DENND2A: variants seen among roughly 807,000 people sequenced by gnomAD.
DENND2A encodes the protein DENN domain containing 2A.
Under a neutral mutation model 105.3 loss-of-function variants are expected in DENND2A, and 53 were observed. That is an observed-to-expected ratio of 0.50 (90% CI 0.40 to 0.63). The LOEUF is 0.63. DENND2A is among the 30% of genes least tolerant of loss of function. DENND2A has a pLI of 0.00. For missense variants in DENND2A, 1,138 were observed against 1,279.6 expected, an observed-to-expected ratio of 0.89 and a Z score of 1.69; for synonymous variants, 522 against 508.4, an observed-to-expected ratio of 1.03 and a Z score of -0.36.
At chr7:140,637,917 T>C (rs996374431) in intron 1 of DENND2A, among the ~76,000 whole-genome samples, 3 of 152,138 alleles carry the variant, frequency 2.0e-5, no homozygotes, top group Non-Finnish European at 2.9e-5. Flanking sequence ...TAAGGTACCA[T>C]TGTCTCCTTT....
At chr7:140,528,342 T>C (rs964237652) in intron 14 of DENND2A, among the ~76,000 whole-genome samples, 1 of 152,168 alleles carries the variant, frequency 6.6e-6, no homozygotes, top group Non-Finnish European at 1.5e-5. Context: ...CATGAACACC[T>C]AGGAAATCCG....
chr7:140,629,484 C>T (rs1405236065), intron 1 of DENND2A, among the ~76,000 whole-genome samples: 1 of 152,022 alleles, frequency 6.6e-6, no homozygotes, highest in Non-Finnish European at 1.5e-5. Context: ...CACCAGGACT[C>T]ACGTGGGAGC....
chr7:140,614,867 CAA>C (rs1350206732), intron 1 of DENND2A, among the ~76,000 whole-genome samples: 1 of 152,078 alleles, frequency 6.6e-6, no homozygotes, highest in Non-Finnish European at 1.5e-5. Flanking sequence ...TTTAAACAAA[CAA>C]AAATTTTTTT....
At position 140,602,212 on chromosome 7, in the gene DENND2A, A is replaced by G. The variant is rs1267980804; in HGVS notation, c.186T>C (p.Pro62=). The stretch of plus-strand genomic sequence containing the variant: ...GTCCGTCTGCTCTCCTGCTGGGTGC[A>G]GGAGTGGGCACCTCTTTCTTCCCTT... ...EWEGKKEVPT[P]APSRRADGQE... Residue 62 remains proline, a synonymous_variant, in exon 3 of 20, where the codon CCT becomes CCC. Coordinates refer to ENST00000496613, the MANE Select transcript of DENND2A (RefSeq NM_015689.5). 1.2e-6 allele frequency: 2 copies of G among 1,614,064 alleles called. No homozygotes were observed. The highest frequency in any genetic ancestry group is 8.5e-7 in the Non-Finnish European group (1 of 1,180,008).
intron 14 of DENND2A, among the ~76,000 whole-genome samples, chr7:140,528,575 G>T (rs1321003635): frequency 6.6e-6 from 1 of 151,016 alleles, no homozygotes; most frequent in Non-Finnish European, 1.5e-5. Context: ...TTCGAGACCA[G>T]CCTGGCTAAC....
chr7:140,631,267 G>A (rs552763700), intron 1 of DENND2A, among the ~76,000 whole-genome samples: 6 of 152,158 alleles, frequency 3.9e-5, no homozygotes, highest in Admixed American at 6.6e-5. Flanking sequence ...GATCTGCCTC[G>A]TGGGACTCTT....
intron 5 of DENND2A, among the ~76,000 whole-genome samples, chr7:140,583,833 G>A (rs1258153446): frequency 5.4e-5 from 8 of 149,270 alleles, no homozygotes; most frequent in Admixed American, 3.3e-4. Context: ...GGCTGAGGCC[G>A]GAGAATGGCG....
chr7:140,564,654 T>C (rs1487361648), intron 9 of DENND2A, among the ~76,000 whole-genome samples: 4 of 152,206 alleles, frequency 2.6e-5, no homozygotes, highest in Non-Finnish European at 4.4e-5. Flanking sequence ...AAACAGTGAA[T>C]GTGCAACTTT....
intron 12 of DENND2A, 124 bp from the exon 13 acceptor site, chr7:140,547,063 T>A: frequency 2.3e-6 from 3 of 1,300,276 alleles, no homozygotes; most frequent in Non-Finnish European, 3.1e-6. Flanking sequence ...GCTTTCCCCA[T>A]GAGGCCAAAA....
intron 8 of DENND2A, 131 bp downstream of exon 8, chr7:140,568,632 T>G: frequency 1.1e-6 from 1 of 873,892 alleles, no homozygotes; most frequent in Non-Finnish European, 1.9e-6. Flanking sequence ...CCCCACTGTC[T>G]CCCGAGATGT....
chr7:140,593,219 A>T (rs1335397075), intron 3 of DENND2A, among the ~76,000 whole-genome samples: 1 of 152,266 alleles, frequency 6.6e-6, no homozygotes, highest in Non-Finnish European at 1.5e-5. Context: ...ATAAGTAAAC[A>T]TGCGAGTCAC....
intron 5 of DENND2A, among the ~76,000 whole-genome samples, chr7:140,580,052 G>A (rs550715799): frequency 2.0e-5 from 3 of 152,114 alleles, no homozygotes; most frequent in East Asian, 1.9e-4. Context: ...AGGTTGCAGT[G>A]AGCTGAGATC....
At chr7:140,588,166 C>T (rs996467414) in intron 3 of DENND2A, among the ~76,000 whole-genome samples, 2 of 152,132 alleles carry the variant, frequency 1.3e-5, no homozygotes, top group African/African-American at 4.8e-5. Context: ...CTGTCTTGGC[C>T]TCCAAAAGTG....
chr7:140,583,982 C>T (rs1158353052), intron 5 of DENND2A, among the ~76,000 whole-genome samples: 6 of 147,748 alleles, frequency 4.1e-5, no homozygotes, highest in Non-Finnish European at 5.9e-5. Context: ...TGGCTCACGC[C>T]TGTAATCCTA....
chr7:140,607,565 C>T (rs1799739037), intron 1 of DENND2A, among the ~76,000 whole-genome samples: 1 of 152,134 alleles, frequency 6.6e-6, no homozygotes. Context: ...GAAGCCAGGC[C>T]CCAGGGCTTG....
intron 1 of DENND2A, among the ~76,000 whole-genome samples, chr7:140,624,858 G>GTTTTGTTT (rs1800453232): frequency 2.4e-5 from 3 of 123,786 alleles, no homozygotes; most frequent in African/African-American, 1.1e-4. Flanking sequence ...TGTTTTTTTT[G>GTTTTGTTT]TTTTTTTTTG....
At chr7:140,627,357 G>A (rs537025707) in intron 1 of DENND2A, among the ~76,000 whole-genome samples, 2 of 151,958 alleles carry the variant, frequency 1.3e-5, no homozygotes, top group South Asian at 2.1e-4. Flanking sequence ...GACTACAGGC[G>A]CACACCACCA....
At position 140,601,685 on chromosome 7, in the gene DENND2A, G is replaced by T; in HGVS notation, c.713C>A (p.Ser238Ter). Reference sequence around the variant, plus strand: ...GCTCCGGTCCCAGGGCCTTCTGCATGAACCTTTCCTGTCCTCCACAAGCTC... The same window carrying T: ...GCTCCGGTCCCAGGGCCTTCTGCATTAACCTTTCCTGTCCTCCACAAGCTC... ...TPELVEDRKGSCRRPWDRSLE... is the reference protein window; with the variant it reads ...TPELVEDRKG The change falls in exon 3 of 20, where the codon TCA (serine) becomes TAA (stop). Residue 238 changes from serine (S) to a stop codon, truncating the protein, a stop_gained. Transcript: ENST00000496613. LOFTEE classifies it high-confidence loss of function. 6.2e-7 allele frequency: 1 copy of T among 1,613,970 alleles called. No individual in the cohort carries two copies. The highest frequency in any genetic ancestry group is 1.7e-5 in the Admixed American group (1 of 60,012).
At chr7:140,604,396 G>A (rs1799621319) in intron 2 of DENND2A, among the ~76,000 whole-genome samples, 1 of 152,220 alleles carries the variant, frequency 6.6e-6, no homozygotes, top group African/African-American at 2.4e-5. Context: ...GGCTATCAAG[G>A]CAGAATTCCT....
Sources: gnomAD v4.1 joint callset for allele counts (sites outside exome capture counted in the v4.1 genomes callset) on GRCh38, gnomAD v4.1.1 for gene constraint, MANE v1.5 for transcripts, NCBI Gene and HGNC (gene_info 2026-07-23, HGNC 2026-07-21) for gene names.